Variants in ZNF276 observed in about 807,000 individuals in gnomAD.
ZNF276 encodes centromere protein Z.
In ZNF276, 59 loss-of-function variants were observed where a neutral mutation model predicts 63.9. The ratio of observed to expected loss-of-function variants is 0.92; its 90% confidence interval spans 0.75 to 1.15. ZNF276 has a LOEUF of 1.15. ZNF276 is among the 50% of genes most tolerant of loss of function. ZNF276 has a pLI of 0.00. For synonymous variants in ZNF276, 496 were observed against 348.4 expected (o/e 1.42, Z -4.72); for missense variants, 1,084 against 843.8 (o/e 1.28, Z -3.53).
In ZNF276 at chr16:89,738,801, C is replaced by T; in HGVS notation, c.*555C>T. ...TGGCAGAAATAGTCGAGTTGTATTG[C>T]CAGCCAGGCAGGCACATGGCCCAGG... is the stretch of plus-strand genomic sequence containing the variant. On this transcript the variant is annotated 3_prime_UTR_variant, in exon 11 of 11. Transcript: ENST00000443381. The T allele has an allele frequency of 6.2e-7, 1 of 1,613,482 alleles. No individual in the cohort carries two copies. The highest frequency in any genetic ancestry group is 8.5e-7 in the Non-Finnish European group (1 of 1,179,722).
upstream of ZNF276, chr16:89,720,703 G>T: frequency 7.5e-7 from 1 of 1,337,722 alleles, no homozygotes; most frequent in South Asian, 1.9e-5. Flanking sequence ...GCCCTCCCCG[G>T]GCGGGGGTCC....
upstream of ZNF276, chr16:89,720,672 G>A (rs1222341069): frequency 9.5e-6 from 12 of 1,264,510 alleles, no homozygotes; most frequent in Admixed American, 8.5e-5. Flanking sequence ...CAAGTCTCCA[G>A]CCCGAGCCGG....
In ZNF276 at chr16:89,723,169, AG is replaced by A; in HGVS notation, c.545del (p.Gly182GlufsTer7). ...VGAQPPTGAE[E>X]GACLVDLITS... ...GCCCAGCCCCCAACAGGGGCAGAGG[AG>A]GGAGCGTGTCTGGGTGAGTCCTCCC... On this transcript the variant is annotated frameshift_variant, in exon 3 of 11. Coordinates refer to ENST00000443381, the MANE Select transcript of ZNF276 (RefSeq NM_001113525.2). LOFTEE classifies it high-confidence loss of function. The A allele has an allele frequency of 1.2e-6, 2 of 1,613,094 alleles. No homozygotes were observed. Among genetic ancestry groups the A allele is most frequent in the Non-Finnish European group, 1.7e-6 (2 of 1,179,984 alleles).
rs1451867202 is a variant in ZNF276, at chr16:89,723,483, G to C, written c.780G>C (p.Lys260Asn). The C allele has an allele frequency of 6.2e-7, 1 of 1,613,004 alleles. No homozygotes were observed. Among genetic ancestry groups the C allele is most frequent in the African/African-American group, 1.3e-5 (1 of 75,078 alleles). ...AFLLDSALAVKWPWDKETAPR... is the reference protein window; with the variant it reads ...AFLLDSALAVNWPWDKETAPR... ...TGCTGGACAGTGCGCTGGCAGTCAA[G>C]TGGCCATGGGACAAAGAGACGGCGC... The change falls in exon 4 of 11, where the codon AAG becomes AAC. Residue 260 changes from lysine to asparagine, a missense_variant. Coordinates refer to ENST00000443381, the MANE Select transcript of ZNF276 (RefSeq NM_001113525.2).
intron 9 of ZNF276, among the ~76,000 whole-genome samples, chr16:89,735,148 G>C (rs899882432): frequency 1.3e-5 from 2 of 151,934 alleles, no homozygotes; most frequent in Non-Finnish European, 1.5e-5. Flanking sequence ...AAACTTGTTT[G>C]AACCACGTGG....
rs2062031966 is a variant in ZNF276 at position 89,738,708 on chromosome 16, G to A, written c.*462G>A. On this transcript the variant is annotated 3_prime_UTR_variant, in exon 11 of 11. Transcript: ENST00000443381. ...TCGCAGTCCCCACGATCAGCCAGCA[G>A]CTGTGAGAGAGGAGCAGGTCCTCAG... 4 of 1,613,888 alleles carry A rather than the reference G, an allele frequency of 2.5e-6. No individual in the cohort carries two copies. The highest frequency in any genetic ancestry group is 1.1e-5 in the South Asian group (1 of 91,076).
rs780694415 is a variant in ZNF276 at position 89,723,365 on chromosome 16, C to T, written c.662C>T (p.Ser221Phe). ...GALPHLQRTL[S>F]SEYCGVIQVV... ...CTGCCCCACCTTCAGAGGACACTGT[C>T]CTCCGAGTACTGCGGCGTCATCCAG... is the stretch of plus-strand genomic sequence containing the variant. Residue 221 changes from serine to phenylalanine, a missense_variant, in exon 4 of 11, where the codon TCC becomes TTC. Transcript: ENST00000443381. 1.2e-5 allele frequency: 20 copies of T among 1,612,928 alleles called. No individual in the cohort carries two copies. The Admixed American group carries it at 1.3e-4, about 11-fold the overall frequency.
At chr16:89,732,313 A>T (rs2061679880) in intron 6 of ZNF276, 1 of 152,396 alleles carries the variant, frequency 6.6e-6, no homozygotes, top group Non-Finnish European at 1.5e-5. Context: ...AGCTCCAGGA[A>T]CACAGGCTGG....
At chr16:89,720,984 C>T (rs1017976512), upstream of ZNF276, 2 of 996,468 alleles carry the variant, frequency 2.0e-6, no homozygotes, top group African/African-American at 3.4e-5. Context: ...GGGACGCGGC[C>T]GCACTTCCGG....
At chr16:89,737,650 A>G in intron 9 of ZNF276, 156 bp from the exon 10 acceptor site, 2 of 1,417,308 alleles carry the variant, frequency 1.4e-6, no homozygotes, top group Non-Finnish European at 1.9e-6. Context: ...AGATCTTAAT[A>G]AACGAGGCCC....
At position 89,737,565 on chromosome 16, in the gene ZNF276, C is replaced by G; in HGVS notation, c.1475-241C>G. ...AATCTGTGGTTAAGGAAATAGCTTT[C>G]TGAGGTTTCTTTAAAAACCATCCTG... On this transcript the variant is annotated intron_variant, in intron 9 of 10. Coordinates refer to ENST00000443381, the MANE Select transcript of ZNF276 (RefSeq NM_001113525.2). The G allele has an allele frequency of 6.6e-6, 4 of 605,824 alleles. No individual in the cohort carries two copies. The South Asian group carries it at 9.7e-5, about 15-fold the overall frequency. 37.5% of individuals were successfully genotyped at this position (605,824 alleles called of 1,614,324 possible).
chr16:89,728,466 C>G (rs199612261), intron 5 of ZNF276, among the ~76,000 whole-genome samples: 1 of 152,094 alleles, frequency 6.6e-6, no homozygotes, highest in African/African-American at 2.4e-5. Flanking sequence ...TGCAGTGGCA[C>G]AATCTCGGCT....
chr16:89,739,207 C>T lies in ZNF276; in HGVS notation c.*961C>T, dbSNP rs529210242. On this transcript the variant is annotated 3_prime_UTR_variant, in exon 11 of 11. Transcript: ENST00000443381. ...GTATCCCCAGCCACGAAGAGCTGGACCAGCTTCAAGTACATGTCCACAGCA... is the reference window on the plus strand; with the variant it reads ...GTATCCCCAGCCACGAAGAGCTGGATCAGCTTCAAGTACATGTCCACAGCA... 19 of 1,614,024 alleles carry T rather than the reference C, an allele frequency of 1.2e-5. No homozygotes were observed. The South Asian group carries it at 1.9e-4, about 16-fold the overall frequency.
upstream of ZNF276, chr16:89,721,141 G>C (rs956558578): frequency 7.1e-6 from 2 of 279,784 alleles, no homozygotes. Flanking sequence ...GAGTTGCCAT[G>C]GGCGTCTAAC....
intron 6 of ZNF276, chr16:89,732,116 T>A (rs746055157): frequency 6.6e-6 from 1 of 152,072 alleles, no homozygotes; most frequent in Non-Finnish European, 1.5e-5. Context: ...TTGAGATATT[T>A]CCTTAACTAT....
upstream of ZNF276, chr16:89,721,154 C>G (rs1257555486): frequency 7.6e-6 from 2 of 263,274 alleles, no homozygotes; most frequent in African/African-American, 4.5e-5. Context: ...CGTCTAACCG[C>G]GGCAGCCAGG....
Position 89,739,934 on chromosome 16 carries a change from G to C in ZNF276, c.*1688G>C. On this transcript the variant is annotated 3_prime_UTR_variant, in exon 11 of 11. Transcript: ENST00000443381. ...AAGGAGGGCTCGTTCTTAACCATTT[G>C]CAAGATGCCTCTGAAAAGAGCGGCC... is the stretch of plus-strand genomic sequence containing the variant. 1.2e-6 allele frequency: 2 copies of C among 1,606,014 alleles called. No individual in the cohort carries two copies. The highest frequency in any genetic ancestry group is 1.3e-5 in the African/African-American group (1 of 74,838).
chr16:89,723,304 G>A lies in ZNF276; in HGVS notation c.601G>A (p.Gly201Arg). The A allele has an allele frequency of 3.0e-5, 49 of 1,613,036 alleles. No homozygotes were observed. The highest frequency in any genetic ancestry group is 4.1e-5 in the Non-Finnish European group (48 of 1,180,012). Residue 201 changes from glycine (G) to arginine (R), a missense_variant, in exon 4 of 11, where the codon GGG becomes AGG. Physicochemically the swap from Gly to Arg is moderately radical, Grantham distance 125. Coordinates refer to ENST00000443381, the MANE Select transcript of ZNF276 (RefSeq NM_001113525.2). ...CCCCCAGTGCCTGCACGGCTTGGTG[G>A]GGTGGGTGCATGGACATGCGGCCAG... Reference protein sequence around the residue: ...SSPQCLHGLVGWVHGHAASCG... With the variant: ...SSPQCLHGLVRWVHGHAASCG...
upstream of ZNF276, chr16:89,720,768 G>A: frequency 2.1e-6 from 3 of 1,450,776 alleles, no homozygotes; most frequent in South Asian, 1.4e-5. Flanking sequence ...CTCACCCGGG[G>A]CCGGTTGCCG....
Sources: allele counts gnomAD v4.1 joint callset (sites outside exome capture counted in the v4.1 genomes callset), GRCh38; gene constraint gnomAD v4.1.1; transcripts MANE v1.5; gene names NCBI Gene and HGNC (gene_info 2026-07-23, HGNC 2026-07-21).